Variants in NR3C2 observed in about 807,000 individuals in gnomAD.
The protein encoded by NR3C2 is nuclear receptor subfamily 3 group C member 2.
Under a neutral mutation model 86.4 loss-of-function variants are expected in NR3C2, and 15 were observed. That is an observed-to-expected ratio of 0.17 (90% confidence interval 0.12 to 0.27). The LOEUF (loss-of-function observed/expected upper bound fraction) is 0.27, where lower values mean the gene tolerates loss of function less well. Ranked by LOEUF, NR3C2 falls within the 10% of genes least tolerant of loss-of-function variation. The pLI is 1.00. For synonymous variants in NR3C2, 458 were observed against 450.5 expected, an observed-to-expected ratio of 1.02 and a Z score of -0.21; for missense variants, 960 against 1,195.6, an observed-to-expected ratio of 0.80 and a Z score of 2.91.
chr4:148,161,650 C>G (rs921134056), intron 4 of NR3C2, among the ~76,000 whole-genome samples: 6 of 152,148 alleles, frequency 3.9e-5, no homozygotes, highest in African/African-American at 1.4e-4. Context: ...AAGCTATCCA[C>G]AGATACCTGC....
chr4:148,392,422 G>C (rs758493194), intron 2 of NR3C2, among the ~76,000 whole-genome samples: 1 of 152,218 alleles, frequency 6.6e-6, no homozygotes, highest in Non-Finnish European at 1.5e-5. Flanking sequence ...AAGCAAGATT[G>C]AAGTTGTGTT....
At chr4:148,401,640 T>C (rs531579820) in intron 2 of NR3C2, among the ~76,000 whole-genome samples, 51 of 152,114 alleles carry the variant, frequency 3.4e-4, no homozygotes, top group African/African-American at 1.2e-3. Flanking sequence ...ATTTTTGTAT[T>C]TTTAGTAGAG....
chr4:148,102,066 C>A (rs187141774), intron 8 of NR3C2, among the ~76,000 whole-genome samples: 26 of 152,270 alleles, frequency 1.7e-4, no homozygotes. Flanking sequence ...CAGCTTCTTC[C>A]CCTCAGGCCC....
chr4:148,436,779 G>C lies in NR3C2; in HGVS notation c.82C>G (p.Arg28Gly). 1 of 1,613,712 alleles carries C rather than the reference G, an allele frequency of 6.2e-7. No individual in the cohort carries two copies. The highest frequency in any genetic ancestry group is 1.1e-5 in the South Asian group (1 of 91,062). ...RWGQVSQAVE[R>G]SSLGPTERTD... is the part of the protein sequence containing the mutation. ...CTCTCTGTAGGTCCCAGGGAAGAAC[G>C]CTCCACAGCCTGAGAAACTTGACCC... The change falls in exon 2 of 9, where the codon CGT (arginine) becomes GGT (glycine). Residue 28 changes from arginine (R) to glycine (G), a missense_variant. Physicochemically the swap from Arg to Gly is moderately radical, Grantham distance 125. Coordinates refer to ENST00000358102, the MANE Select transcript of NR3C2 (RefSeq NM_000901.5).
intron 2 of NR3C2, among the ~76,000 whole-genome samples, chr4:148,352,776 T>C (rs540825704): frequency 6.6e-6 from 1 of 152,278 alleles, no homozygotes; most frequent in East Asian, 1.9e-4. Context: ...ACCATCAGGT[T>C]CTTTTTGTTT....
intron 4 of NR3C2, among the ~76,000 whole-genome samples, chr4:148,174,137 C>T (rs1735261771): frequency 1.3e-5 from 2 of 152,148 alleles, no homozygotes. Context: ...TTGACAAAAA[C>T]AGAGCTAATG....
At chr4:148,389,835 T>C (rs1323879147) in intron 2 of NR3C2, among the ~76,000 whole-genome samples, 1 of 151,850 alleles carries the variant, frequency 6.6e-6, no homozygotes, top group East Asian at 1.9e-4. Flanking sequence ...AGGACAAAAA[T>C]ATTAATACTA....
chr4:148,156,350 T>C (rs1011945125), intron 4 of NR3C2, among the ~76,000 whole-genome samples: 11 of 151,618 alleles, frequency 7.3e-5, no homozygotes, highest in African/African-American at 2.2e-4. Flanking sequence ...AGAAAATTTT[T>C]GCAACCTACT....
chr4:148,391,955 G>GT (rs1277947435), intron 2 of NR3C2, among the ~76,000 whole-genome samples: 2 of 139,980 alleles, frequency 1.4e-5, no homozygotes, highest in African/African-American at 2.6e-5. Context: ...TAATAACGTA[G>GT]TAAAAAAAAA....
chr4:148,287,429 T>C (rs1239391149), intron 2 of NR3C2, among the ~76,000 whole-genome samples: 2 of 152,214 alleles, frequency 1.3e-5, no homozygotes, highest in Non-Finnish European at 2.9e-5. Flanking sequence ...CCATGGCTTT[T>C]AGATTTATAT....
chr4:148,158,973 G>T (rs1734531634), intron 4 of NR3C2, among the ~76,000 whole-genome samples: 1 of 152,168 alleles, frequency 6.6e-6, no homozygotes, highest in Non-Finnish European at 1.5e-5. Flanking sequence ...TATCTCCAGT[G>T]TATCTTCAGC....
At chr4:148,241,410 C>T (rs1470088270) in intron 3 of NR3C2, among the ~76,000 whole-genome samples, 2 of 151,072 alleles carry the variant, frequency 1.3e-5, no homozygotes, top group East Asian at 3.9e-4. Flanking sequence ...AGTCTCTGCC[C>T]CAACTCTAAT....
intron 2 of NR3C2, among the ~76,000 whole-genome samples, chr4:148,308,293 T>C (rs1453551377): frequency 2.0e-5 from 3 of 152,282 alleles, no homozygotes; most frequent in Non-Finnish European, 2.9e-5. Flanking sequence ...CATTACGTAT[T>C]ATGGAGGAAA....
chr4:148,200,646 G>GT (rs559165131), intron 3 of NR3C2, among the ~76,000 whole-genome samples: 86 of 152,222 alleles, frequency 5.6e-4, no homozygotes, highest in Admixed American at 1.0e-3. Flanking sequence ...TCATATATCA[G>GT]TTTCCTGACT....
chr4:148,248,177 A>G (rs1467937852), intron 3 of NR3C2, among the ~76,000 whole-genome samples: 2 of 152,218 alleles, frequency 1.3e-5, no homozygotes, highest in Non-Finnish European at 2.9e-5. Context: ...AATTTCATCG[A>G]CCATTCTCCT....
intron 8 of NR3C2, among the ~76,000 whole-genome samples, chr4:148,098,659 G>A (rs1337974609): frequency 2.6e-5 from 4 of 152,250 alleles, no homozygotes; most frequent in East Asian, 3.9e-4. Context: ...TGATTTTAGG[G>A]CTACAAATAC....
intron 2 of NR3C2, among the ~76,000 whole-genome samples, chr4:148,332,865 G>A (rs1744298026): frequency 2.0e-5 from 3 of 152,172 alleles, no homozygotes; most frequent in African/African-American, 7.2e-5. Flanking sequence ...GAGTGTGTAT[G>A]TGTATGTGTT....
chr4:148,200,162 C>A (rs1027781500), intron 3 of NR3C2, among the ~76,000 whole-genome samples: 1 of 152,162 alleles, frequency 6.6e-6, no homozygotes, highest in African/African-American at 2.4e-5. Context: ...AGAGGAGGAA[C>A]AGACAGTGTC....
rs1052936848 is a variant in NR3C2 at position 148,189,956 on chromosome 4, T to C, written c.2014+4790A>G. ...TTTTCTTGGTTAATGTTGCTAATGGTCTATCAATTTTATTTATCTTTTCAA... is the reference window on the plus strand; with the variant it reads ...TTTTCTTGGTTAATGTTGCTAATGGCCTATCAATTTTATTTATCTTTTCAA... On this transcript the variant is annotated intron_variant, in intron 4 of 8. Transcript: ENST00000358102. Among the ~76,000 whole-genome samples, 8 of 152,210 alleles carry C rather than the reference T, an allele frequency of 5.3e-5. 1 individual carries two copies. The highest frequency in any genetic ancestry group is 2.9e-5 in the Non-Finnish European group (2 of 68,030).
Sources: gnomAD v4.1 joint callset for allele counts (sites outside exome capture counted in the v4.1 genomes callset) on GRCh38, gnomAD v4.1.1 for gene constraint, MANE v1.5 for transcripts, NCBI Gene and HGNC (gene_info 2026-07-23, HGNC 2026-07-21) for gene names.